ENTREP2: variants seen among roughly 807,000 people sequenced by gnomAD.
ENTREP2 encodes protein ENTREP2.
chr15:29,596,505 G>T, the ENTREP2 span, among the ~76,000 whole-genome samples: 11 of 152,312 alleles, frequency 7.2e-5, no homozygotes, highest in East Asian at 1.9e-3. Context: ...GAGTGTGTAT[G>T]TAGAGTTCCT....
At chr15:29,332,350 T>C in the ENTREP2 span, among the ~76,000 whole-genome samples, 1 of 152,214 alleles carries the variant, frequency 6.6e-6, no homozygotes, top group South Asian at 2.1e-4. Context: ...CTGTGGTTAC[T>C]TTAGACCACT....
chr15:29,628,571 A>AT, the ENTREP2 span, among the ~76,000 whole-genome samples: 888 of 152,126 alleles, frequency 5.8e-3, 6 homozygotes, highest in African/African-American at 0.02. Context: ...ATCTTTGCTG[A>AT]TTTTCTATCT....
the ENTREP2 span, among the ~76,000 whole-genome samples, chr15:29,451,630 T>G: frequency 6.6e-6 from 1 of 152,196 alleles, no homozygotes; most frequent in African/African-American, 2.4e-5. Context: ...AGCTCCCCTC[T>G]GCCCACCACG....
At chr15:29,575,419 TG>T in the ENTREP2 span, among the ~76,000 whole-genome samples, 1 of 152,216 alleles carries the variant, frequency 6.6e-6, no homozygotes, top group Non-Finnish European at 1.5e-5. Context: ...GGTGAGAGAC[TG>T]AAAGCTTCTT....
At chr15:29,570,610 C>T in the ENTREP2 span, 1 of 1,449,250 alleles carries the variant, frequency 6.9e-7, no homozygotes, top group Middle Eastern at 2.0e-4. Context: ...GCGCCATCTG[C>T]GTGGCCCCGA....
chr15:29,237,734 C>G, the ENTREP2 span, among the ~76,000 whole-genome samples: 1 of 152,114 alleles, frequency 6.6e-6, no homozygotes, highest in African/African-American at 2.4e-5. Context: ...GCAGCTGCTC[C>G]GTAAAATGGT....
chr15:29,305,609 G>C, the ENTREP2 span, among the ~76,000 whole-genome samples: 13 of 152,110 alleles, frequency 8.5e-5, no homozygotes, highest in African/African-American at 2.9e-4. Flanking sequence ...GAGAGTCAAG[G>C]GTAACTGTTG....
At chr15:29,366,354 C>T in the ENTREP2 span, among the ~76,000 whole-genome samples, 4 of 152,140 alleles carry the variant, frequency 2.6e-5, no homozygotes, top group Non-Finnish European at 4.4e-5. Context: ...GGATTACAGG[C>T]GTGAGCCACT....
the ENTREP2 span, among the ~76,000 whole-genome samples, chr15:29,497,595 C>G: frequency 1.3e-5 from 2 of 152,142 alleles, 1 homozygote; most frequent in South Asian, 4.1e-4. Flanking sequence ...TTGTAGTACT[C>G]TCTTAGGATC....
chr15:29,179,966 G>A, the ENTREP2 span, among the ~76,000 whole-genome samples: 1 of 152,048 alleles, frequency 6.6e-6, no homozygotes, highest in East Asian at 1.9e-4. Flanking sequence ...GCCCAAGGAT[G>A]GTGTGCTCAA....
the ENTREP2 span, among the ~76,000 whole-genome samples, chr15:29,380,256 G>A: frequency 6.6e-6 from 1 of 152,068 alleles, no homozygotes; most frequent in Admixed American, 6.5e-5. Context: ...CAGCAGAAGA[G>A]GAGCCTCACC....
the ENTREP2 span, among the ~76,000 whole-genome samples, chr15:29,423,271 G>C: frequency 6.6e-6 from 1 of 152,142 alleles, no homozygotes; most frequent in Non-Finnish European, 1.5e-5. Flanking sequence ...GCTGGCATAG[G>C]AAATTATAGT....
chr15:29,654,828 C>T, the ENTREP2 span, among the ~76,000 whole-genome samples: 1 of 152,214 alleles, frequency 6.6e-6, no homozygotes, highest in Admixed American at 6.5e-5. Context: ...CTGACTAATA[C>T]CTCCTGTTGC....
chr15:29,433,477 G>A, the ENTREP2 span, among the ~76,000 whole-genome samples: 1 of 152,256 alleles, frequency 6.6e-6, no homozygotes, highest in South Asian at 2.1e-4. Context: ...ATATCCATGA[G>A]AGAAAGACCA....
At chr15:29,330,590 G>A in the ENTREP2 span, among the ~76,000 whole-genome samples, 1 of 152,152 alleles carries the variant, frequency 6.6e-6, no homozygotes, top group South Asian at 2.1e-4. Flanking sequence ...CACTGTCGAG[G>A]TCATACGAAG....
At chr15:29,342,610 G>A in the ENTREP2 span, among the ~76,000 whole-genome samples, 1 of 152,180 alleles carries the variant, frequency 6.6e-6, no homozygotes, top group African/African-American at 2.4e-5. Context: ...AGCAAAATGT[G>A]AAAAGGTCTG....
At chr15:29,233,731 C>T in the ENTREP2 span, 2 of 1,401,578 alleles carry the variant, frequency 1.4e-6, no homozygotes, top group Non-Finnish European at 2.0e-6. Flanking sequence ...TGGATCTGAG[C>T]TGTTTGTTAA....
At chr15:29,354,815 A>G in the ENTREP2 span, among the ~76,000 whole-genome samples, 2 of 152,218 alleles carry the variant, frequency 1.3e-5, no homozygotes, top group South Asian at 2.1e-4. Context: ...CAGGCCAGAT[A>G]CTGCAAAAAA....
the ENTREP2 span, among the ~76,000 whole-genome samples, chr15:29,495,798 T>C: frequency 6.6e-6 from 1 of 152,150 alleles, no homozygotes; most frequent in Non-Finnish European, 1.5e-5. Context: ...AGCATGTTTT[T>C]TTGGCTACTA....
Sources: allele counts gnomAD v4.1 joint callset (sites outside exome capture counted in the v4.1 genomes callset), GRCh38; gene constraint gnomAD v4.1.1; transcripts MANE v1.5; gene names NCBI Gene and HGNC (gene_info 2026-07-23, HGNC 2026-07-21).